The following CLASP2 variants were observed in gnomAD, a reference collection of about 807,000 sequenced individuals.
CLASP2 encodes the protein CLIP-associating protein 2.
CLASP2 carries 47 observed loss-of-function variants against 194.4 expected under a neutral mutation model. The observed-to-expected ratio is 0.24, with a 90% CI of 0.19 to 0.31. The LOEUF is 0.31. CLASP2 is among the 10% of genes least tolerant of loss of function. The pLI, the probability that CLASP2 is intolerant of heterozygous loss-of-function variation, is 1.00. For synonymous variants in CLASP2, 619 were observed against 633.5 expected (o/e 0.98, Z 0.34); for missense variants, 1,445 against 1,823.6 (o/e 0.79, Z 3.78).
At chr3:33,684,837 G>A (rs1043211406) in intron 5 of CLASP2, among the ~76,000 whole-genome samples, 4 of 149,786 alleles carry the variant, frequency 2.7e-5, no homozygotes, top group African/African-American at 4.9e-5. Flanking sequence ...CCGCCTCTAC[G>A]AAAAATACAA....
chr3:33,618,383 G>T (rs745531808), intron 12 of CLASP2, among the ~76,000 whole-genome samples: 20 of 152,084 alleles, frequency 1.3e-4, no homozygotes, highest in Admixed American at 5.9e-4. Context: ...GATGGCTCAC[G>T]CCTGTAATCC....
chr3:33,568,553 C>CAAAAAAAAAAA lies in CLASP2; in HGVS notation c.2764-1830_2764-1820dup, dbSNP rs568821764. Among the ~76,000 whole-genome samples the CAAAAAAAAAAA allele has an allele frequency of 2.7e-3, 152 of 56,804 alleles. 5 individuals are homozygous for CAAAAAAAAAAA. Among genetic ancestry groups the CAAAAAAAAAAA allele is most frequent in the African/African-American group, 7.3e-3 (96 of 13,126 alleles). The allele number at this position is 56,804 out of a possible 152,430, so 37.3% of individuals were successfully genotyped here. On this transcript the variant is annotated intron_variant, in intron 26 of 38. Coordinates refer to ENST00000682230, the MANE Select transcript of CLASP2 (RefSeq NM_001365631.1). Reference sequence around the variant, plus strand: ...TGGGTGACAGAAAGAGATCTTGTCTCAAAAAAAAAAAAAAAAAAAAAATTA... The same window carrying CAAAAAAAAAAA: ...TGGGTGACAGAAAGAGATCTTGTCTCAAAAAAAAAAAAAAAAAAAAAAAAAAAAAAAAATTA...
At chr3:33,530,839 A>G (rs960442652) in intron 34 of CLASP2, among the ~76,000 whole-genome samples, 1 of 152,260 alleles carries the variant, frequency 6.6e-6, no homozygotes. Context: ...GAAAATACAC[A>G]TAAATAGAAG....
chr3:33,504,974 C>G (rs964229048), intron 37 of CLASP2: 1 of 152,204 alleles, frequency 6.6e-6, no homozygotes, highest in African/African-American at 2.4e-5. Flanking sequence ...TCTGAGCATA[C>G]TTTTGGTGGA....
intron 11 of CLASP2, among the ~76,000 whole-genome samples, chr3:33,620,420 T>C (rs916310898): frequency 2.0e-5 from 3 of 152,220 alleles, no homozygotes; most frequent in Admixed American, 6.5e-5. Context: ...CTGACAATGC[T>C]TGCAATACTG....
At chr3:33,657,423 A>G (rs1001538213) in intron 7 of CLASP2, among the ~76,000 whole-genome samples, 3 of 152,096 alleles carry the variant, frequency 2.0e-5, no homozygotes, top group Admixed American at 1.3e-4. Flanking sequence ...AAAAATAATT[A>G]ATATATTCCT....
intron 6 of CLASP2, among the ~76,000 whole-genome samples, chr3:33,667,358 G>A (rs184391770): frequency 1.7e-4 from 22 of 131,052 alleles, no homozygotes; most frequent in African/African-American, 1.2e-4. Flanking sequence ...GCAGTGAGCC[G>A]AGATCGTGTC....
Position 33,576,219 on chromosome 3 carries a change from G to C in CLASP2, c.2404C>G (p.Arg802Gly). Residue 802 changes from arginine to glycine, a missense_variant, in exon 24 of 39, where the codon CGA becomes GGA. Arg to Gly is a moderately radical substitution (Grantham distance 125, BLOSUM62 -2). Transcript: ENST00000682230. ...SRLSSSVSAM[R>G]VLNTGSDVEE... ...ACATCAGAACCTGTGTTCAGGACTC[G>C]CATGGCACTAACAGAAGACGACAGT... The C allele has an allele frequency of 6.2e-7, 1 of 1,613,784 alleles. No homozygotes were observed. Among genetic ancestry groups the C allele is most frequent in the Non-Finnish European group, 8.5e-7 (1 of 1,179,750 alleles).
At chr3:33,619,009 A>G (rs930666425) in intron 12 of CLASP2, among the ~76,000 whole-genome samples, 3 of 152,152 alleles carry the variant, frequency 2.0e-5, no homozygotes, top group Non-Finnish European at 4.4e-5. Flanking sequence ...CACCTAGGCT[A>G]TATGTTAAGG....
chr3:33,626,655 C>T (rs112650211), intron 10 of CLASP2, among the ~76,000 whole-genome samples: 151 of 152,184 alleles, frequency 9.9e-4, no homozygotes, highest in South Asian at 4.6e-3. Flanking sequence ...CCTTATATGA[C>T]TTGAGGATAG....
At chr3:33,564,562 C>T (rs2062341040) in intron 27 of CLASP2, among the ~76,000 whole-genome samples, 1 of 152,084 alleles carries the variant, frequency 6.6e-6, no homozygotes, top group Non-Finnish European at 1.5e-5. Flanking sequence ...ATTTGCTGTA[C>T]TCTACATAAG....
chr3:33,614,796 G>T (rs1197801107), intron 12 of CLASP2, among the ~76,000 whole-genome samples: 6 of 152,114 alleles, frequency 3.9e-5, no homozygotes, highest in Non-Finnish European at 2.9e-5. Flanking sequence ...TTCGAGAGCA[G>T]CCTGACCAAC....
intron 12 of CLASP2, 134 bp downstream of exon 12, chr3:33,619,469 G>T: frequency 2.7e-6 from 2 of 732,118 alleles, no homozygotes; most frequent in Non-Finnish European, 4.2e-6. Context: ...ATTTGCTTTT[G>T]GGGTTCAAAA....
intron 21 of CLASP2, 86 bp downstream of exon 21, chr3:33,592,309 G>A (rs971568119): frequency 1.1e-6 from 1 of 938,976 alleles, no homozygotes. Context: ...TTATCCACTG[G>A]TCAATCGTCT....
At position 33,602,967 on chromosome 3, in the gene CLASP2, A is replaced by C; in HGVS notation, c.1909T>G (p.Ser637Ala). 6.2e-7 allele frequency: 1 copy of C among 1,610,486 alleles called. No individual in the cohort carries two copies. Among genetic ancestry groups the C allele is most frequent in the South Asian group, 1.1e-5 (1 of 90,106 alleles). The change falls in exon 18 of 39, where the codon TCC becomes GCC. Residue 637 changes from serine to alanine, a missense_variant. By Grantham distance (99) the Ser-to-Ala change is moderately conservative. Around this residue, in one of 4 missense-constraint regions of CLASP2, gnomAD observed 174 missense variants for 179.0 expected, o/e 0.97. Coordinates refer to ENST00000682230, the MANE Select transcript of CLASP2 (RefSeq NM_001365631.1). Reference sequence around the variant, plus strand: ...GTTCTCTTACCTAGTGACGCATAGGAACCTGCATTCAGGGCACCTGCACCT... The same window carrying C: ...GTTCTCTTACCTAGTGACGCATAGGCACCTGCATTCAGGGCACCTGCACCT... Reference protein sequence around the residue: ...RLGAGALNAGSYASLEDTSDK... With the variant: ...RLGAGALNAGAYASLEDTSDK...
At position 33,674,175 on chromosome 3, in the gene CLASP2, T is replaced by C. The variant is rs139692358; in HGVS notation, c.644+10184A>G. ...GCACAACACAACACCTATTCCAAAA[T>C]TGACCACATAGTTGGAAGTAAAGCA... On this transcript the variant is annotated intron_variant, in intron 6 of 38. Coordinates refer to ENST00000682230, the MANE Select transcript of CLASP2 (RefSeq NM_001365631.1). Among the ~76,000 whole-genome samples, 367 of 152,220 alleles carry C rather than the reference T, an allele frequency of 2.4e-3. 2 individuals carry two copies. The highest frequency in any genetic ancestry group is 7.3e-3 in the African/African-American group (304 of 41,530).
intron 34 of CLASP2, among the ~76,000 whole-genome samples, chr3:33,529,071 CA>C (rs1177241590): frequency 6.6e-6 from 1 of 152,088 alleles, no homozygotes; most frequent in African/African-American, 2.4e-5. Flanking sequence ...ATCCCATTCA[CA>C]ACTGCCATAA....
intron 12 of CLASP2, among the ~76,000 whole-genome samples, chr3:33,618,106 G>A (rs958851911): frequency 1.3e-5 from 2 of 151,496 alleles, no homozygotes; most frequent in Admixed American, 1.3e-4. Flanking sequence ...GCGCCACCAT[G>A]CCTGGCTAAT....
intron 27 of CLASP2, among the ~76,000 whole-genome samples, chr3:33,561,328 G>GT (rs2061761718): frequency 6.6e-6 from 1 of 152,178 alleles, no homozygotes; most frequent in Non-Finnish European, 1.5e-5. Flanking sequence ...TATAGTTTCA[G>GT]TAACTCTCAG....
Sources: allele counts gnomAD v4.1 joint callset (sites outside exome capture counted in the v4.1 genomes callset), GRCh38; gene constraint gnomAD v4.1.1; regional missense constraint gnomAD v4.1.1; transcripts MANE v1.5; gene names NCBI Gene and HGNC (gene_info 2026-07-23, HGNC 2026-07-21).